Variants in VPS36 observed in about 807,000 individuals in gnomAD.
The protein encoded by VPS36 is vacuolar protein sorting 36 homolog.
In VPS36, 31 loss-of-function variants were observed where a neutral mutation model predicts 63.5. That is an observed-to-expected ratio of 0.49 (90% CI 0.37 to 0.66). VPS36 has a LOEUF of 0.66. Among genes scored for constraint, VPS36 ranks in the 30% least tolerant of loss-of-function variants. VPS36 has a pLI of 0.00. For synonymous variants in VPS36, 138 were observed against 157.2 expected (o/e 0.88, Z 0.91); for missense variants, 338 against 463.7 (o/e 0.73, Z 2.49).
chr13:52,438,175 A>G (rs1400022115), intron 3 of VPS36, among the ~76,000 whole-genome samples: 1 of 152,160 alleles, frequency 6.6e-6, no homozygotes, highest in Non-Finnish European at 1.5e-5. Context: ...CTTGGAACAC[A>G]GGAAAGGAAA....
rs1957964896 is a variant in VPS36 at position 52,413,381 on chromosome 13, A to G, written c.*2449T>C. ...AAAACAGTAAGAGCTCAATGTCATA[A>G]GTATTTATAAGCAACTCTTAATTAT... On this transcript the variant is annotated 3_prime_UTR_variant, in exon 14 of 14. Transcript: ENST00000378060. The G allele has an allele frequency of 6.6e-6, 1 of 152,378 alleles. No individual in the cohort carries two copies. The highest frequency in any genetic ancestry group is 2.1e-4 in the South Asian group (1 of 4,830). 9.4% of individuals were successfully genotyped at this position (152,378 alleles called of 1,614,324 possible).
At position 52,446,229 on chromosome 13, in the gene VPS36, G is replaced by A. The variant is rs545303458; in HGVS notation, c.97-3784C>T. 2.5e-4 allele frequency among the ~76,000 whole-genome samples: 38 copies of A among 149,072 alleles called. No individual in the cohort carries two copies. In the South Asian group the frequency reaches 8.0e-3, roughly 31 times the overall value. ...TGCGGTGAGCCAAGATCGCACCACC[G>A]CACTCCAGACTGAGCAACAGAGCGA... On this transcript the variant is annotated intron_variant, in intron 1 of 13. Transcript: ENST00000378060.
chr13:52,417,050 C>T lies in VPS36; in HGVS notation c.990+7G>A. ...TCTAAAGACTGGAGAAAATCGGCTT[C>T]ACATACTGTCTCCAGGGCCGAGGCC... On this transcript the variant is annotated splice_region_variant and intron_variant, in intron 12 of 13. Coordinates refer to ENST00000378060, the MANE Select transcript of VPS36 (RefSeq NM_016075.4). 1 of 1,613,160 alleles carries T rather than the reference C, an allele frequency of 6.2e-7. No individual in the cohort carries two copies. Among genetic ancestry groups the T allele is most frequent in the Non-Finnish European group, 8.5e-7 (1 of 1,179,418 alleles).
At chr13:52,432,352 AAAAAC>A (rs1043161772) in intron 6 of VPS36, among the ~76,000 whole-genome samples, 1 of 152,136 alleles carries the variant, frequency 6.6e-6, no homozygotes, top group Non-Finnish European at 1.5e-5. Context: ...CTCTGTCTCA[AAAAAC>A]AAAACAAAAC....
Position 52,424,386 on chromosome 13 carries a change from C to A in VPS36, c.775-747G>T, listed in dbSNP as rs189116435. On this transcript the variant is annotated intron_variant, in intron 9 of 13. Transcript: ENST00000378060. ...TTTTTAAAAATTAAAAAAAGACAAT[C>A]AGACATTATGTATCTCTTGATGGAA... Among the ~76,000 whole-genome samples the A allele has an allele frequency of 1.8e-4, 27 of 152,110 alleles. No individual in the cohort carries two copies. The East Asian group carries it at 5.0e-3, about 28-fold the overall frequency.
At chr13:52,438,142 A>AT (rs1377968943) in intron 3 of VPS36, among the ~76,000 whole-genome samples, 23 of 150,482 alleles carry the variant, frequency 1.5e-4, no homozygotes, top group African/African-American at 4.4e-4. Flanking sequence ...AATATTTTAA[A>AT]TTTTTTTTTT....
At chr13:52,439,292 A>T (rs549493308) in intron 2 of VPS36, 124 bp from the exon 3 acceptor site, 1 of 769,838 alleles carries the variant, frequency 1.3e-6, no homozygotes, top group East Asian at 2.8e-5. Flanking sequence ...GAAAAACAAT[A>T]ATGATTTTAC....
intron 12 of VPS36, 183 bp from the exon 13 acceptor site, chr13:52,416,276 A>T (rs1307472674): frequency 4.8e-6 from 3 of 621,616 alleles, no homozygotes; most frequent in Non-Finnish European, 8.2e-6. Flanking sequence ...GCTTAATCCT[A>T]CAAAAGTTGA....
At chr13:52,448,424 C>T (rs1249539889) in intron 1 of VPS36, among the ~76,000 whole-genome samples, 1 of 152,212 alleles carries the variant, frequency 6.6e-6, no homozygotes, top group Non-Finnish European at 1.5e-5. Flanking sequence ...GACCGCATAG[C>T]TGCAAGGCAG....
At chr13:52,446,673 C>T (rs977044249) in intron 1 of VPS36, among the ~76,000 whole-genome samples, 3 of 151,322 alleles carry the variant, frequency 2.0e-5, no homozygotes, top group Non-Finnish European at 4.4e-5. Context: ...TTGAAAATCT[C>T]GAAAATATTT....
intron 1 of VPS36, among the ~76,000 whole-genome samples, chr13:52,448,881 G>A (rs935029409): frequency 9.9e-5 from 15 of 152,146 alleles, no homozygotes; most frequent in Non-Finnish European, 4.4e-5. Context: ...GTCAACATTC[G>A]GTTCCTCTCA....
intron 10 of VPS36, among the ~76,000 whole-genome samples, chr13:52,422,821 T>A (rs1958059849): frequency 6.6e-6 from 1 of 152,198 alleles, no homozygotes. Context: ...GTGATGAATA[T>A]CTTAATTGCC....
intron 1 of VPS36, among the ~76,000 whole-genome samples, chr13:52,448,954 G>C (rs1958371477): frequency 6.6e-6 from 1 of 152,172 alleles, no homozygotes; most frequent in African/African-American, 2.4e-5. Context: ...ATTTTAAATA[G>C]TCACAAAGAT....
intron 1 of VPS36, 170 bp downstream of exon 1, chr13:52,450,329 G>C (rs1001385901): frequency 2.5e-6 from 3 of 1,178,138 alleles, no homozygotes; most frequent in Admixed American, 4.6e-5. Flanking sequence ...GCTACCGACC[G>C]GCGGGGAGCG....
At chr13:52,434,604 C>T (rs1463707457) in intron 5 of VPS36, among the ~76,000 whole-genome samples, 189 bp downstream of exon 5, 5 of 152,140 alleles carry the variant, frequency 3.3e-5, no homozygotes, top group East Asian at 1.9e-4. Context: ...TGATCCACCC[C>T]GCCTTGGCCT....
intron 1 of VPS36, among the ~76,000 whole-genome samples, chr13:52,445,979 C>T (rs560649049): frequency 9.6e-6 from 1 of 104,528 alleles, no homozygotes; most frequent in East Asian, 3.1e-4. Flanking sequence ...GGCCGGGCAC[C>T]TTGGCTCACG....
rs1438321141 is a variant in VPS36 at position 52,438,123 on chromosome 13, G to A, written c.236+975C>T. ...CATGTTTAAAAAATAAGACACTAAC[G>A]TGAAGGTAAATATTTTAAATTTTTT... is the stretch of plus-strand genomic sequence containing the variant. On this transcript the variant is annotated intron_variant, in intron 3 of 13. Coordinates refer to ENST00000378060, the MANE Select transcript of VPS36 (RefSeq NM_016075.4). Among the ~76,000 whole-genome samples the A allele has an allele frequency of 4.6e-5, 7 of 151,932 alleles. No homozygotes were observed. The South Asian group carries it at 1.2e-3, about 27-fold the overall frequency.
At chr13:52,438,728 A>G (rs1236705613) in intron 3 of VPS36, among the ~76,000 whole-genome samples, 3 of 152,320 alleles carry the variant, frequency 2.0e-5, no homozygotes, top group South Asian at 2.1e-4. Context: ...GCTTTGTACA[A>G]TAACTATTAT....
At chr13:52,436,254 C>A in intron 4 of VPS36, 36 bp downstream of exon 4, 1 of 1,347,428 alleles carries the variant, frequency 7.4e-7, no homozygotes, top group South Asian at 1.2e-5. Flanking sequence ...CACACACACA[C>A]CTTTCTAGTA....
Sources: allele counts gnomAD v4.1 joint callset (sites outside exome capture counted in the v4.1 genomes callset), GRCh38; gene constraint gnomAD v4.1.1; transcripts MANE v1.5; gene names NCBI Gene and HGNC (gene_info 2026-07-23, HGNC 2026-07-21).